Variants in CEP164 observed in about 807,000 individuals in gnomAD.
The protein encoded by CEP164 is centrosomal protein of 164 kDa.
CEP164 carries 162 observed loss-of-function variants against 182.7 expected under a neutral mutation model. The ratio of observed to expected loss-of-function variants is 0.89; its 90% CI spans 0.78 to 1.01. The LOEUF (loss-of-function observed/expected upper bound fraction) is 1.01, where lower values mean the gene tolerates loss of function less well. Among genes scored for constraint, CEP164 ranks in the 50% least tolerant of loss-of-function variants. The pLI, the probability that CEP164 is intolerant of heterozygous loss-of-function variation, is 0.00. For missense variants in CEP164, 1,735 were observed against 1,790.4 expected (o/e 0.97, Z 0.56); for synonymous variants, 661 against 690.0 (o/e 0.96, Z 0.66).
rs2044897457 is a variant in CEP164 at position 117,393,073 on chromosome 11, A to G, written c.2563A>G (p.Lys855Glu). The stretch of plus-strand genomic sequence containing the variant: ...GCATGAGAGGAGGTTGGACAAGATG[A>G]AGGAGGAGCACCAGCAAGTGATGGC... ...GEHERRLDKM[K>E]EEHQQVMAKA... The change falls in exon 20 of 33, where the codon AAG becomes GAG. Residue 855 changes from lysine (K) to glutamate (E), a missense_variant. Lys to Glu is a moderately conservative substitution (Grantham distance 56). Transcript: ENST00000278935. 4.3e-6 allele frequency: 7 copies of G among 1,613,620 alleles called. No individual in the cohort carries two copies. Among genetic ancestry groups the G allele is most frequent in the South Asian group, 1.1e-5 (1 of 91,068 alleles).
upstream of CEP164, among the ~76,000 whole-genome samples, chr11:117,326,969 C>CAAAACTA (rs2035483848): frequency 6.6e-6 from 1 of 152,238 alleles, no homozygotes; most frequent in African/African-American, 2.4e-5. Flanking sequence ...TCCGTGCAAG[C>CAAAACTA]AAAACTAAAA....
upstream of CEP164, among the ~76,000 whole-genome samples, chr11:117,327,518 T>C (rs2035527865): frequency 6.7e-6 from 1 of 149,028 alleles, no homozygotes; most frequent in Non-Finnish European, 1.5e-5. Context: ...GTCAGGCTGG[T>C]CTCGAACTCC....
At chr11:117,335,434 C>T (rs2036932074) in intron 1 of CEP164, among the ~76,000 whole-genome samples, 171 bp from the exon 2 acceptor site, 1 of 152,060 alleles carries the variant, frequency 6.6e-6, no homozygotes, top group South Asian at 2.1e-4. Flanking sequence ...CTCTGTTGCC[C>T]ACCCGTTAGC....
intron 5 of CEP164, chr11:117,356,208 A>C: frequency 9.3e-7 from 1 of 1,072,934 alleles, no homozygotes; most frequent in Non-Finnish European, 1.1e-6. Flanking sequence ...GACGAGGAGC[A>C]GTCAGAAAGT....
At chr11:117,322,215 A>G (rs1365974542) in intron 1 of CEP164, among the ~76,000 whole-genome samples, 1 of 152,092 alleles carries the variant, frequency 6.6e-6, no homozygotes, top group Non-Finnish European at 1.5e-5. Flanking sequence ...TCCCAGGTTC[A>G]AGGGATTCTC....
At chr11:117,337,828 T>A (rs966258838) in intron 2 of CEP164, among the ~76,000 whole-genome samples, 4 of 152,102 alleles carry the variant, frequency 2.6e-5, no homozygotes, top group African/African-American at 9.7e-5. Context: ...GTGACTCCCC[T>A]CTGGTGTAGG....
Position 117,394,388 on chromosome 11 carries a change from C to A in CEP164, c.2655C>A (p.Thr885=). The A allele has an allele frequency of 6.2e-7, 1 of 1,610,566 alleles. No homozygotes were observed. The highest frequency in any genetic ancestry group is 2.2e-5 in the East Asian group (1 of 44,796). Residue 885 remains threonine, a synonymous_variant, in exon 21 of 33, where the codon ACC becomes ACA. Transcript: ENST00000278935. This position sits in a 1 kb window ranked among gnomAD's most constrained non-coding sequence, Gnocchi z 4.0. ...KQRAELLGHL[T]GELERLQRAH... ...GGGCTGAGCTTCTGGGGCACCTGAC[C>A]GGAGAGCTGGAGCGCCTGCAGAGGG... is the stretch of plus-strand genomic sequence containing the variant.
At position 117,396,593 on chromosome 11, in the gene CEP164, A is replaced by G. The variant is rs377595013; in HGVS notation, c.3260A>G (p.Glu1087Gly). 1 of 1,613,580 alleles carries G rather than the reference A, an allele frequency of 6.2e-7. No individual in the cohort carries two copies. The highest frequency in any genetic ancestry group is 8.5e-7 in the Non-Finnish European group (1 of 1,179,640). Reference sequence around the variant, plus strand: ...TCTTCTTCTCTCTCCCAGAGCAAGGAGGACTTATACTTGGACAGGTGAGTT... The same window carrying G: ...TCTTCTTCTCTCTCCCAGAGCAAGGGGGACTTATACTTGGACAGGTGAGTT... The part of the protein sequence containing the change: ...EVSSSLSQSK[E>G]DLYLDSLSSH... The change falls in exon 26 of 33, where the codon GAG (glutamate) becomes GGG (glycine). Residue 1087 changes from glutamate to glycine, a missense_variant. Transcript: ENST00000278935.
intron 13 of CEP164, among the ~76,000 whole-genome samples, chr11:117,382,175 G>A (rs1007523861): frequency 6.6e-6 from 1 of 152,132 alleles, no homozygotes. Flanking sequence ...TGTCACAGCT[G>A]CCTCCCTGCA....
intron 1 of CEP164, among the ~76,000 whole-genome samples, chr11:117,322,112 CTTTA>C (rs1415123644): frequency 6.6e-6 from 1 of 152,122 alleles, no homozygotes; most frequent in Non-Finnish European, 1.5e-5. Context: ...ATGACCACCA[CTTTA>C]TTTATTTATT....
intron 9 of CEP164, among the ~76,000 whole-genome samples, chr11:117,372,989 T>A (rs1227641235): frequency 6.6e-6 from 1 of 152,184 alleles, no homozygotes; most frequent in Non-Finnish European, 1.5e-5. Context: ...GAAGTAAGCC[T>A]GAATGGGGAG....
Position 117,371,065 on chromosome 11 carries a change from T to C in CEP164, c.766-15T>C, listed in dbSNP as rs2042155773. The C allele has an allele frequency of 6.4e-7, 1 of 1,551,152 alleles. No individual in the cohort carries two copies. Among genetic ancestry groups the C allele is most frequent in the Non-Finnish European group, 8.7e-7 (1 of 1,149,432 alleles). On this transcript the variant is annotated splice_polypyrimidine_tract_variant and intron_variant, in intron 8 of 32. Coordinates refer to ENST00000278935, the MANE Select transcript of CEP164 (RefSeq NM_014956.5). ...CCTTTTGTCTTCCTTTCTAACATGG[T>C]CTGTTGCTCCCTAGGAGTCTCTGAG...
At chr11:117,385,839 G>A (rs189318450) in intron 14 of CEP164, 3 of 152,366 alleles carry the variant, frequency 2.0e-5, no homozygotes, top group African/African-American at 7.2e-5. Flanking sequence ...TTTCTGGTCC[G>A]AGTTATGATT....
In CEP164 at chr11:117,394,388, C is replaced by T. The variant is rs61737637; in HGVS notation, c.2655C>T (p.Thr885=). ...GGGCTGAGCTTCTGGGGCACCTGAC[C>T]GGAGAGCTGGAGCGCCTGCAGAGGG... ...KQRAELLGHL[T]GELERLQRAH... Residue 885 remains threonine, a synonymous_variant, in exon 21 of 33, where the codon ACC becomes ACT. Coordinates refer to ENST00000278935, the MANE Select transcript of CEP164 (RefSeq NM_014956.5). The surrounding 1 kb of genome is among the most constrained non-coding windows in gnomAD (Gnocchi z 4.0). 7.1e-4 allele frequency: 1,145 copies of T among 1,610,564 alleles called. 10 individuals are homozygous for T. The African/African-American group carries it at 0.014, about 19-fold the overall frequency.
chr11:117,347,245 C>T (rs754565674), intron 4 of CEP164, among the ~76,000 whole-genome samples: 2 of 152,194 alleles, frequency 1.3e-5, no homozygotes, highest in African/African-American at 2.4e-5. Flanking sequence ...ATCCTCTGCT[C>T]TCTTCCAGTG....
rs567788345 is a variant in CEP164, at chr11:117,411,734, C to T, written c.4164-61C>T. ...GGTGACAGATGTGATGGCCTCTGTG[C>T]ATCCTCTGTCACTTCCGCGCCTCCT... On this transcript the variant is annotated intron_variant, in intron 31 of 32. Coordinates refer to ENST00000278935, the MANE Select transcript of CEP164 (RefSeq NM_014956.5). This position sits in a 1 kb window ranked among gnomAD's most constrained non-coding sequence, Gnocchi z 4.4. The T allele has an allele frequency of 1.4e-5, 23 of 1,603,618 alleles. No individual in the cohort carries two copies. The African/African-American group carries it at 2.8e-4, about 20-fold the overall frequency.
chr11:117,366,771 A>G (rs7109923), intron 8 of CEP164, among the ~76,000 whole-genome samples: 33,039 of 152,078 alleles, frequency 0.22, 3,745 homozygotes, highest in African/African-American at 0.27. Flanking sequence ...GCACAGACAT[A>G]GGTTCAGCTC....
At chr11:117,328,754 CTAA>C (rs2035720578) in intron 1 of CEP164, among the ~76,000 whole-genome samples, 1 of 152,224 alleles carries the variant, frequency 6.6e-6, no homozygotes, top group African/African-American at 2.4e-5. Context: ...ATTTATTCAT[CTAA>C]TAAATACAGC....
At chr11:117,340,810 C>T (rs2037996114) in intron 3 of CEP164, among the ~76,000 whole-genome samples, 1 of 152,158 alleles carries the variant, frequency 6.6e-6, no homozygotes, top group Admixed American at 6.5e-5. Context: ...AGACATAAGC[C>T]ACTACGACTG....
Sources: gnomAD v4.1 joint callset for allele counts (sites outside exome capture counted in the v4.1 genomes callset) on GRCh38, gnomAD v4.1.1 for gene constraint, Gnocchi (gnomAD v3.1) non-coding constraint, MANE v1.5 for transcripts, NCBI Gene and HGNC (gene_info 2026-07-23, HGNC 2026-07-21) for gene names.